Variants in MMRN1 observed in about 807,000 individuals in gnomAD.
MMRN1 encodes the protein multimerin 1, also known as multimerin-1.
MMRN1 carries 94 observed loss-of-function variants against 100.7 expected under a neutral mutation model. That is an observed-to-expected ratio of 0.93 (90% CI 0.79 to 1.11). MMRN1 has a LOEUF of 1.11. MMRN1 is among the 50% of genes least tolerant of loss of function. MMRN1 has a pLI of 0.00. For synonymous variants in MMRN1, 575 were observed against 505.0 expected, an observed-to-expected ratio of 1.14 and a Z score of -1.86; for missense variants, 1,606 against 1,439.1, an observed-to-expected ratio of 1.12 and a Z score of -1.88.
At chr4:89,900,502 T>A (rs910687206) in intron 1 of MMRN1, among the ~76,000 whole-genome samples, 1 of 152,120 alleles carries the variant, frequency 6.6e-6, no homozygotes, top group Non-Finnish European at 1.5e-5. Context: ...ATGCTCTCAC[T>A]TGCCATTCCT....
intron 4 of MMRN1, among the ~76,000 whole-genome samples, chr4:89,923,595 A>C (rs753675402): frequency 2.9e-4 from 44 of 152,312 alleles, no homozygotes; most frequent in Non-Finnish European, 5.6e-4. Context: ...ATTATGGAAG[A>C]CCCTTGACAT....
chr4:89,906,239 T>C (rs1455789384), intron 1 of MMRN1, among the ~76,000 whole-genome samples: 6 of 151,600 alleles, frequency 4.0e-5, no homozygotes, highest in Non-Finnish European at 5.9e-5. Flanking sequence ...TAGTTCATTA[T>C]CCACAAGTCT....
At chr4:89,884,581 T>C (rs1442339080) in intron 1 of MMRN1, among the ~76,000 whole-genome samples, 1 of 152,114 alleles carries the variant, frequency 6.6e-6, no homozygotes, top group East Asian at 1.9e-4. Context: ...TTATTTTTCT[T>C]TTTCTTTTCT....
upstream of MMRN1, among the ~76,000 whole-genome samples, chr4:89,891,816 A>G (rs1721061549): frequency 6.6e-6 from 1 of 152,090 alleles, no homozygotes; most frequent in Admixed American, 6.5e-5. Context: ...TTAAGAAAAT[A>G]GGAATTTCTC....
In MMRN1 at chr4:89,936,746, C is replaced by T; in HGVS notation, c.3066C>T (p.Thr1022=). ...NALKKPTVNL[T]TVLIGRTQRN... is the part of the protein sequence containing the mutation. ...TTAAGAAACCAACGGTAAATCTTAC[C>T]ACAGTCCTGATAGGCCGGACTCAAA... Residue 1022 remains threonine (T), a synonymous_variant, in exon 6 of 8, where the codon ACC becomes ACT. Transcript: ENST00000264790. 6.2e-7 allele frequency: 1 copy of T among 1,612,336 alleles called. No individual in the cohort carries two copies. Among genetic ancestry groups the T allele is most frequent in the Non-Finnish European group, 8.5e-7 (1 of 1,179,224 alleles).
At chr4:89,894,592 C>T (rs141865579), upstream of MMRN1, 172 of 170,070 alleles carry the variant, frequency 1.0e-3, no homozygotes, top group South Asian at 2.0e-3. Context: ...CACTCTCTAT[C>T]GTGAACCTGA....
chr4:89,940,957 G>T (rs1162072551), intron 6 of MMRN1, among the ~76,000 whole-genome samples: 15 of 152,100 alleles, frequency 9.9e-5, no homozygotes, highest in Non-Finnish European at 2.2e-4. Context: ...TGGTCATCAT[G>T]CAATGATAAA....
rs778903851 is a variant in MMRN1 at position 89,951,651 on chromosome 4, G to T, written c.3165G>T (p.Thr1055=). 6.4e-6 allele frequency: 10 copies of T among 1,567,238 alleles called. No individual in the cohort carries two copies. Among genetic ancestry groups the T allele is most frequent in the Non-Finnish European group, 8.6e-6 (10 of 1,162,318 alleles). The change falls in exon 7 of 8, where the codon ACG becomes ACT. Residue 1055 remains threonine (T), a synonymous_variant. Transcript: ENST00000264790. ...GGCATCCGTGCCAAAATGGGGGCACGTGCATAAATGGAAGAACTAGCTTTA... is the reference window on the plus strand; with the variant it reads ...GGCATCCGTGCCAAAATGGGGGCACTTGCATAAATGGAAGAACTAGCTTTA... The part of the protein sequence containing the change: ...CSRHPCQNGG[T]CINGRTSFTC...
At chr4:89,947,522 A>G (rs1332563176) in intron 6 of MMRN1, among the ~76,000 whole-genome samples, 2 of 152,204 alleles carry the variant, frequency 1.3e-5, no homozygotes, top group Non-Finnish European at 2.9e-5. Context: ...GTCATAGAGA[A>G]CATGATCCCT....
chr4:89,941,323 C>A (rs531132359), intron 6 of MMRN1, among the ~76,000 whole-genome samples: 36 of 152,188 alleles, frequency 2.4e-4, no homozygotes, highest in African/African-American at 8.7e-4. Context: ...GCAAAAAGTT[C>A]GTAACAGGAT....
chr4:89,951,692 A>T lies in MMRN1; in HGVS notation c.3206A>T (p.His1069Leu). The T allele has an allele frequency of 1.2e-6, 2 of 1,603,922 alleles. No individual in the cohort carries two copies. The highest frequency in any genetic ancestry group is 1.7e-6 in the Non-Finnish European group (2 of 1,176,924). ...GRTSFTCACRHPFTGDNCTIK... is the reference protein window; with the variant it reads ...GRTSFTCACRLPFTGDNCTIK... ...ACTAGCTTTACCTGTGCCTGCAGAC[A>T]TCCTTTTACTGGTGACAACTGCACT... Residue 1069 changes from histidine (H) to leucine (L), a missense_variant, in exon 7 of 8, where the codon CAT (histidine) becomes CTT (leucine). Physicochemically the swap from His to Leu is moderately conservative, Grantham distance 99. Coordinates refer to ENST00000264790, the MANE Select transcript of MMRN1 (RefSeq NM_007351.3).
At chr4:89,901,326 G>A (rs747143687) in intron 1 of MMRN1, among the ~76,000 whole-genome samples, 1 of 150,812 alleles carries the variant, frequency 6.6e-6, no homozygotes, top group Admixed American at 6.6e-5. Flanking sequence ...TGCAGAAAAA[G>A]AGGGATTTTT....
At chr4:89,897,593 A>G (rs1721250108) in intron 1 of MMRN1, among the ~76,000 whole-genome samples, 2 of 152,214 alleles carry the variant, frequency 1.3e-5, no homozygotes, top group Non-Finnish European at 2.9e-5. Context: ...TACATACCAT[A>G]TAGAAAGTGG....
chr4:89,908,378 ATATGAAAAAT>A (rs1483401299), intron 1 of MMRN1, among the ~76,000 whole-genome samples: 10 of 151,554 alleles, frequency 6.6e-5, no homozygotes, highest in African/African-American at 2.4e-4. Flanking sequence ...TTAGTTTATT[ATATGAAAAAT>A]TATAGAATAA....
intron 6 of MMRN1, among the ~76,000 whole-genome samples, chr4:89,940,750 T>C (rs1722797825): frequency 6.6e-6 from 1 of 152,204 alleles, no homozygotes; most frequent in Non-Finnish European, 1.5e-5. Flanking sequence ...TATTAAGTTA[T>C]TACTATATGA....
Position 89,900,471 on chromosome 4 carries a change from C to T in MMRN1, c.623+4877C>T, listed in dbSNP as rs143132660. On this transcript the variant is annotated intron_variant, in intron 1 of 7. Transcript: ENST00000264790. ...ACCTCTTCAAAGGGACCTTCTCTTA[C>T]CACCCAATGTAAAGTTAACTATGCT... Among the ~76,000 whole-genome samples the T allele has an allele frequency of 1.8e-3, 278 of 152,232 alleles. 3 individuals carry two copies. In the East Asian group the frequency reaches 0.024, roughly 13 times the overall value.
rs770720512 is a variant in MMRN1, at chr4:89,951,659, A to G, written c.3173A>G (p.Asn1058Ser). The change falls in exon 7 of 8, where the codon AAT becomes AGT. Residue 1058 changes from asparagine to serine, a missense_variant. Physicochemically the swap from Asn to Ser is conservative, Grantham distance 46. Transcript: ENST00000264790. ...HPCQNGGTCI[N>S]GRTSFTCACR... is the part of the protein sequence containing the mutation. ...TGCCAAAATGGGGGCACGTGCATAA[A>G]TGGAAGAACTAGCTTTACCTGTGCC... 6.3e-7 allele frequency: 1 copy of G among 1,575,644 alleles called. No homozygotes were observed. The highest frequency in any genetic ancestry group is 2.0e-5 in the Admixed American group (1 of 50,278).
intron 1 of MMRN1, among the ~76,000 whole-genome samples, chr4:89,883,887 A>G (rs1200706741): frequency 6.6e-6 from 1 of 152,116 alleles, no homozygotes; most frequent in Non-Finnish European, 1.5e-5. Context: ...TTATATTTAA[A>G]TCTATGAAAC....
chr4:89,932,150 C>A (rs2110627951), intron 5 of MMRN1, among the ~76,000 whole-genome samples: 1 of 152,272 alleles, frequency 6.6e-6, no homozygotes, highest in African/African-American at 2.4e-5. Context: ...AACAAAGGGG[C>A]TACGGGCCTC....
Sources: gnomAD v4.1 joint callset for allele counts (sites outside exome capture counted in the v4.1 genomes callset) on GRCh38, gnomAD v4.1.1 for gene constraint, MANE v1.5 for transcripts, NCBI Gene and HGNC (gene_info 2026-07-23, HGNC 2026-07-21) for gene names.